TINAG: variants seen among roughly 807,000 people sequenced by gnomAD.
The protein encoded by TINAG is tubulointerstitial nephritis antigen.
Under a neutral mutation model 72.7 loss-of-function variants are expected in TINAG, and 83 were observed. That is an observed-to-expected ratio of 1.14 (90% CI 0.96 to 1.37). The LOEUF (loss-of-function observed/expected upper bound fraction) is 1.37. Ranked by LOEUF, TINAG falls within the 40% of genes most tolerant of loss-of-function variation. TINAG has a pLI of 0.00. For synonymous variants in TINAG, 234 were observed against 189.9 expected (o/e 1.23, Z -1.91); for missense variants, 685 against 576.6 (o/e 1.19, Z -1.93).
intron 9 of TINAG, among the ~76,000 whole-genome samples, chr6:54,366,345 GCT>G (rs1371123674): frequency 6.6e-6 from 1 of 151,298 alleles, no homozygotes; most frequent in Non-Finnish European, 1.5e-5. Flanking sequence ...TCAAACAATT[GCT>G]CTGTTCCCTC....
Position 54,326,900 on chromosome 6 carries a change from G to A in TINAG, c.608G>A (p.Ser203Asn). ...TTGCCACCTAGTCCCATGCTCCTGA[G>A]CATGAATGAAATGACAGTAAGTGTT... ...GTLPPSPMLL[S>N]MNEMTASLPA... Residue 203 changes from serine (S) to asparagine (N), a missense_variant, in exon 4 of 11, where the codon AGC becomes AAC. Transcript: ENST00000259782. 1 of 1,613,146 alleles carries A rather than the reference G, an allele frequency of 6.2e-7. No individual in the cohort carries two copies. The highest frequency in any genetic ancestry group is 8.5e-7 in the Non-Finnish European group (1 of 1,179,828).
intron 9 of TINAG, among the ~76,000 whole-genome samples, chr6:54,380,108 C>T (rs1321833862): frequency 5.3e-5 from 8 of 152,150 alleles, no homozygotes; most frequent in African/African-American, 1.7e-4. Context: ...AGGACATGAA[C>T]TCACTGTTTT....
intron 1 of TINAG, among the ~76,000 whole-genome samples, chr6:54,310,299 C>CG (rs980509975): frequency 3.3e-5 from 5 of 151,796 alleles, no homozygotes; most frequent in Non-Finnish European, 7.4e-5. Flanking sequence ...TGCCTAGGCT[C>CG]GTCTTAAAAC....
At chr6:54,312,559 C>T (rs568079427) in intron 1 of TINAG, among the ~76,000 whole-genome samples, 305 of 152,000 alleles carry the variant, frequency 2.0e-3, no homozygotes, top group Non-Finnish European at 3.5e-3. Flanking sequence ...CTACATTTAA[C>T]AGGGAGATAT....
rs142467297 is a variant in TINAG, at chr6:54,368,513, A to G, written c.1251-12013A>G. On this transcript the variant is annotated intron_variant, in intron 9 of 10. Transcript: ENST00000259782. ...CTAAAAGCTTCAATATTGCATAATT[A>G]ATAATGTACCTCTTCCTCACTCTTT... 2.4e-3 allele frequency among the ~76,000 whole-genome samples: 357 copies of G among 151,108 alleles called. 4 individuals are homozygous for G. The highest frequency in any genetic ancestry group is 3.6e-3 in the Non-Finnish European group (246 of 67,632).
intron 9 of TINAG, among the ~76,000 whole-genome samples, chr6:54,369,491 A>C (rs1479968292): frequency 6.6e-6 from 1 of 151,944 alleles, no homozygotes; most frequent in Non-Finnish European, 1.5e-5. Context: ...AAACTTAAAA[A>C]TATAATCCAG....
rs139989527 is a variant in TINAG, at chr6:54,349,820, C to G, written c.1004C>G (p.Thr335Arg). 1 of 1,610,758 alleles carries G rather than the reference C, an allele frequency of 6.2e-7. No homozygotes were observed. Among genetic ancestry groups the G allele is most frequent in the East Asian group, 2.2e-5 (1 of 44,736 alleles). ...RSDGRGKRHA[T>R]KPCPNNVEKS... ...GATGGGCGAGGAAAACGGCATGCCACGAAGCCATGTCCCAACAACGTAGAA... is the reference window on the plus strand; with the variant it reads ...GATGGGCGAGGAAAACGGCATGCCAGGAAGCCATGTCCCAACAACGTAGAA... Residue 335 changes from threonine (T) to arginine (R), a missense_variant, in exon 7 of 11, where the codon ACG becomes AGG. Transcript: ENST00000259782.
Position 54,362,856 on chromosome 6 carries a change from C to A in TINAG, c.1250+8220C>A, listed in dbSNP as rs146416586. Among the ~76,000 whole-genome samples the A allele has an allele frequency of 2.0e-5, 3 of 151,274 alleles. No individual in the cohort carries two copies. The East Asian group carries it at 5.9e-4, about 30-fold the overall frequency. ...CTCAGGGATTACTGTGGGTGGATTT[C>A]GAGACTTTAGTGGAGAAAGAAACTG... On this transcript the variant is annotated intron_variant, in intron 9 of 10. Transcript: ENST00000259782.
chr6:54,319,497 G>A (rs904851625), intron 1 of TINAG, among the ~76,000 whole-genome samples: 1 of 152,028 alleles, frequency 6.6e-6, no homozygotes, highest in Non-Finnish European at 1.5e-5. Context: ...CATATGAAAG[G>A]GATGCCTAGA....
intron 4 of TINAG, among the ~76,000 whole-genome samples, chr6:54,334,550 G>A (rs1376620422): frequency 6.6e-6 from 1 of 152,188 alleles, no homozygotes; most frequent in Non-Finnish European, 1.5e-5. Context: ...TTTCCCAGCA[G>A]CATGATGTAG....
At chr6:54,357,568 C>G (rs539171357) in intron 9 of TINAG, among the ~76,000 whole-genome samples, 2 of 152,106 alleles carry the variant, frequency 1.3e-5, no homozygotes, top group East Asian at 3.9e-4. Flanking sequence ...AATGACAGCT[C>G]TGTTCTTCCA....
chr6:54,385,179 G>C (rs959101855), intron 10 of TINAG, among the ~76,000 whole-genome samples: 10 of 151,740 alleles, frequency 6.6e-5, no homozygotes, highest in Non-Finnish European at 1.2e-4. Flanking sequence ...AAAAGTAAAA[G>C]AAAACAGACA....
At chr6:54,368,079 C>T (rs1001565941) in intron 9 of TINAG, among the ~76,000 whole-genome samples, 2 of 151,248 alleles carry the variant, frequency 1.3e-5, no homozygotes, top group African/African-American at 2.4e-5. Flanking sequence ...ACTTTGAGTC[C>T]GTAGAGAAGA....
chr6:54,362,297 C>G (rs931957679), intron 9 of TINAG, among the ~76,000 whole-genome samples: 2 of 151,626 alleles, frequency 1.3e-5, no homozygotes, highest in African/African-American at 4.8e-5. Context: ...TAGCTGGTGA[C>G]TTGAAGTTGA....
chr6:54,365,349 T>C (rs1763375187), intron 9 of TINAG: 1 of 151,588 alleles, frequency 6.6e-6, no homozygotes, highest in Admixed American at 6.6e-5. Context: ...CTCAAAATAT[T>C]TAATAATTCA....
intron 9 of TINAG, among the ~76,000 whole-genome samples, chr6:54,354,865 G>A (rs1308980388): frequency 6.6e-6 from 1 of 151,748 alleles, no homozygotes; most frequent in Non-Finnish European, 1.5e-5. Flanking sequence ...TTGTGATTAT[G>A]TCCTTAAGAA....
intron 10 of TINAG, among the ~76,000 whole-genome samples, chr6:54,382,309 T>C (rs1763976438): frequency 2.0e-5 from 3 of 152,104 alleles, no homozygotes; most frequent in Admixed American, 6.6e-5. Context: ...TGTGTTCTCC[T>C]CATGAGTCAG....
intron 9 of TINAG, among the ~76,000 whole-genome samples, chr6:54,376,664 A>G (rs1763791492): frequency 6.6e-6 from 1 of 152,204 alleles, no homozygotes; most frequent in South Asian, 2.1e-4. Context: ...AAAAAGAACA[A>G]TATCCCTTTT....
At chr6:54,380,142 G>A (rs1350563126) in intron 9 of TINAG, among the ~76,000 whole-genome samples, 2 of 152,116 alleles carry the variant, frequency 1.3e-5, no homozygotes, top group Non-Finnish European at 2.9e-5. Flanking sequence ...GTATTCCATG[G>A]TATATATGTG....
Sources: gnomAD v4.1 joint callset for allele counts (sites outside exome capture counted in the v4.1 genomes callset) on GRCh38, gnomAD v4.1.1 for gene constraint, MANE v1.5 for transcripts, NCBI Gene and HGNC (gene_info 2026-07-23, HGNC 2026-07-21) for gene names.